Variants in ZUP1 observed in about 807,000 individuals in gnomAD.
The protein encoded by ZUP1 is zinc finger containing ubiquitin peptidase 1.
Under a neutral mutation model 68.1 loss-of-function variants are expected in ZUP1, and 55 were observed. The observed-to-expected ratio is 0.81, with a 90% confidence interval of 0.65 to 1.01. ZUP1 has a LOEUF of 1.01. ZUP1 is among the 50% of genes least tolerant of loss of function. The probability of loss-of-function intolerance (pLI) is 0.00; values close to 1 mark genes in which losing one functional copy is unlikely to be tolerated. For missense variants in ZUP1, 684 were observed against 674.9 expected (o/e 1.01, Z -0.15); for synonymous variants, 223 against 221.5 (o/e 1.01, Z -0.06).
intron 9 of ZUP1, among the ~76,000 whole-genome samples, chr6:116,643,535 A>G (rs1248697792): frequency 1.3e-5 from 2 of 152,212 alleles, no homozygotes; most frequent in East Asian, 3.8e-4. Flanking sequence ...ATAATGCCGC[A>G]TATCTACAAC....
chr6:116,662,069 T>G (rs1384982905), intron 2 of ZUP1, among the ~76,000 whole-genome samples: 1 of 152,150 alleles, frequency 6.6e-6, no homozygotes, highest in African/African-American at 2.4e-5. Flanking sequence ...TATTAAGATG[T>G]AATCATTGGA....
intron 2 of ZUP1, among the ~76,000 whole-genome samples, chr6:116,664,297 G>A (rs1776931892): frequency 7.0e-6 from 1 of 143,398 alleles, no homozygotes; most frequent in Non-Finnish European, 1.5e-5. Flanking sequence ...TGGGCCTGGT[G>A]GTGGGCAGTG....
intron 7 of ZUP1, among the ~76,000 whole-genome samples, chr6:116,651,290 A>C (rs1215901125): frequency 6.6e-6 from 1 of 152,200 alleles, no homozygotes; most frequent in Non-Finnish European, 1.5e-5. Flanking sequence ...GAAGGTAAAC[A>C]GGTATAAGAT....
chr6:116,637,707 T>C (rs1775944519), intron 9 of ZUP1, among the ~76,000 whole-genome samples: 1 of 152,212 alleles, frequency 6.6e-6, no homozygotes, highest in Non-Finnish European at 1.5e-5. Flanking sequence ...GCAAGTGTCT[T>C]GGTATTTTAC....
intron 9 of ZUP1, among the ~76,000 whole-genome samples, chr6:116,637,490 G>C (rs9384983): frequency 6.6e-6 from 1 of 151,986 alleles, no homozygotes; most frequent in East Asian, 1.9e-4. Context: ...GCCAAGTTAC[G>C]ATTCTTACAG....
At chr6:116,660,978 C>A in intron 2 of ZUP1, 132 bp from the exon 3 acceptor site, 1 of 555,132 alleles carries the variant, frequency 1.8e-6, no homozygotes, top group Non-Finnish European at 3.1e-6. Flanking sequence ...CGGCTCACTG[C>A]AGCAATCCTC....
At chr6:116,641,405 C>T (rs1350072073) in intron 9 of ZUP1, among the ~76,000 whole-genome samples, 2 of 152,034 alleles carry the variant, frequency 1.3e-5, no homozygotes, top group African/African-American at 2.4e-5. Flanking sequence ...AGCACCACAC[C>T]ACACCTATTC....
Position 116,651,567 on chromosome 6 carries a change from C to T in ZUP1, c.1316+5G>A. The T allele has an allele frequency of 6.3e-7, 1 of 1,589,500 alleles. No homozygotes were observed. The highest frequency in any genetic ancestry group is 8.5e-7 in the Non-Finnish European group (1 of 1,169,916). On this transcript the variant is annotated splice_donor_5th_base_variant and intron_variant, in intron 7 of 9. Transcript: ENST00000368576. The stretch of plus-strand genomic sequence containing the variant: ...TAACATTTATTTAGGTTTTAAGGTA[C>T]ATACTTTACCCTTAGGGAGGTCAGG...
rs1776761564 is a variant in ZUP1 at position 116,659,220 on chromosome 6, G to A, written c.671-296C>T. ...TCTCAGCTCACTGCAACCTCTGCCT[G>A]CCAGGTTCAAGTGATTCTCCTGCTG... is the stretch of plus-strand genomic sequence containing the variant. On this transcript the variant is annotated intron_variant, in intron 3 of 9. Coordinates refer to ENST00000368576, the MANE Select transcript of ZUP1 (RefSeq NM_145062.3). 2.0e-5 allele frequency among the ~76,000 whole-genome samples: 3 copies of A among 152,058 alleles called. No homozygotes were observed. In the South Asian group the frequency reaches 6.2e-4, roughly 32 times the overall value.
At chr6:116,638,390 G>A (rs72959941) in intron 9 of ZUP1, among the ~76,000 whole-genome samples, 3,478 of 152,202 alleles carry the variant, frequency 0.023, 68 homozygotes, top group Middle Eastern at 0.099. Context: ...CCCTGATGGT[G>A]TAGTAGCTAG....
chr6:116,647,867 T>A (rs1353502862), intron 7 of ZUP1, among the ~76,000 whole-genome samples: 2 of 152,212 alleles, frequency 1.3e-5, no homozygotes, highest in East Asian at 3.8e-4. Flanking sequence ...AATAACTTCA[T>A]AATAAGTCTG....
chr6:116,640,322 C>G (rs1051655062), intron 9 of ZUP1, among the ~76,000 whole-genome samples: 1 of 152,122 alleles, frequency 6.6e-6, no homozygotes, highest in African/African-American at 2.4e-5. Context: ...CAGTCAGATT[C>G]AGGAAATACA....
chr6:116,636,773 G>C (rs1775921081), intron 9 of ZUP1, among the ~76,000 whole-genome samples: 1 of 152,014 alleles, frequency 6.6e-6, no homozygotes. Context: ...TATATTTTGG[G>C]ATACCATAAA....
chr6:116,656,626 T>C, intron 5 of ZUP1, 58 bp downstream of exon 5: 2 of 1,343,276 alleles, frequency 1.5e-6, no homozygotes. Flanking sequence ...TGATTCTGAT[T>C]ATTACTTCAG....
intron 1 of ZUP1, among the ~76,000 whole-genome samples, chr6:116,667,891 T>C (rs970969549): frequency 6.6e-6 from 1 of 152,138 alleles, no homozygotes; most frequent in African/African-American, 2.4e-5. Flanking sequence ...AATTTCAGAT[T>C]CATCATTTTG....
At chr6:116,659,622 A>ATTT (rs1776775800) in intron 3 of ZUP1, among the ~76,000 whole-genome samples, 1 of 147,430 alleles carries the variant, frequency 6.8e-6, no homozygotes, top group Non-Finnish European at 1.5e-5. Flanking sequence ...TAGGGGAGAA[A>ATTT]AAAAAAAAAA....
At chr6:116,661,343 C>T (rs1776833894) in intron 2 of ZUP1, among the ~76,000 whole-genome samples, 1 of 143,930 alleles carries the variant, frequency 6.9e-6, no homozygotes, top group Admixed American at 6.9e-5. Context: ...CCTCTCATAC[C>T]ACTCCAAAAA....
chr6:116,664,702 A>C (rs1776947048), intron 2 of ZUP1, among the ~76,000 whole-genome samples: 1 of 152,178 alleles, frequency 6.6e-6, no homozygotes, highest in Non-Finnish European at 1.5e-5. Flanking sequence ...AAGGGAACAA[A>C]AGTCACATAG....
chr6:116,659,270 C>T (rs1375777697), intron 3 of ZUP1, among the ~76,000 whole-genome samples: 1 of 152,156 alleles, frequency 6.6e-6, no homozygotes, highest in Non-Finnish European at 1.5e-5. Context: ...GCTGGGATTA[C>T]AGGTGCCTGC....
Sources: gnomAD v4.1 joint callset for allele counts (sites outside exome capture counted in the v4.1 genomes callset) on GRCh38, gnomAD v4.1.1 for gene constraint, MANE v1.5 for transcripts, NCBI Gene and HGNC (gene_info 2026-07-23, HGNC 2026-07-21) for gene names.